Variants in HACD1 observed in about 807,000 individuals in gnomAD.
The protein encoded by HACD1 is very-long-chain (3R)-3-hydroxyacyl-CoA dehydratase 1.
In HACD1, 41 loss-of-function variants were observed where a neutral mutation model predicts 32.0. The observed-to-expected ratio is 1.28, with a 90% CI of 1.00 to 1.66. The LOEUF (loss-of-function observed/expected upper bound fraction) is 1.66. Among genes scored for constraint, HACD1 ranks in the 40% most tolerant of loss-of-function variants. The pLI is 0.00. For synonymous variants in HACD1, 142 were observed against 139.0 expected (o/e 1.02, Z -0.15); for missense variants, 396 against 380.1 (o/e 1.04, Z -0.35).
intron 1 of HACD1, among the ~76,000 whole-genome samples, chr10:17,616,646 A>T (rs1833088672): frequency 8.2e-6 from 1 of 121,942 alleles, no homozygotes; most frequent in Admixed American, 7.9e-5. Context: ...CTGTGCTTTA[A>T]AAAAAAAAAA....
intron 3 of HACD1, 27 bp downstream of exon 3, chr10:17,603,699 A>G: frequency 6.2e-7 from 1 of 1,604,026 alleles, no homozygotes. Flanking sequence ...TTTATAATAA[A>G]AGTATAAAAT....
At chr10:17,610,024 A>G (rs564289602) in intron 1 of HACD1, among the ~76,000 whole-genome samples, 2 of 151,858 alleles carry the variant, frequency 1.3e-5, no homozygotes, top group African/African-American at 4.8e-5. Flanking sequence ...TAAACACTTA[A>G]CTATCCTATG....
chr10:17,593,429 C>G (rs1233914205), intron 6 of HACD1, among the ~76,000 whole-genome samples: 2 of 152,174 alleles, frequency 1.3e-5, no homozygotes, highest in African/African-American at 4.8e-5. Context: ...GATTCTCCTG[C>G]CTCAGCCTCC....
chr10:17,594,868 T>G (rs11254676), intron 5 of HACD1, among the ~76,000 whole-genome samples: 2,311 of 148,290 alleles, frequency 0.016, 59 homozygotes, highest in African/African-American at 0.055. Flanking sequence ...TTGTTTTTTG[T>G]TTTTTTTTGA....
At position 17,608,223 on chromosome 10, in the gene HACD1, T is replaced by A. The variant is rs182004104; in HGVS notation, c.258-4176A>T. ...GGTTTTTTTTAGTAGAGATGGGGTC[T>A]CCCTATGTTGCCCAGGCTAATCTTG... On this transcript the variant is annotated intron_variant, in intron 1 of 6. Coordinates refer to ENST00000361271, the MANE Select transcript of HACD1 (RefSeq NM_014241.4). 5.8e-3 allele frequency among the ~76,000 whole-genome samples: 875 copies of A among 152,084 alleles called. 11 individuals carry two copies. The highest frequency in any genetic ancestry group is 8.5e-3 in the Non-Finnish European group (581 of 67,998).
chr10:17,613,095 GGGGTGT>G (rs1165610912), intron 1 of HACD1, among the ~76,000 whole-genome samples: 1,466 of 119,854 alleles, frequency 0.012, 30 homozygotes, highest in African/African-American at 0.045. Context: ...TTTGCAATTT[GGGGTGT>G]GTGTGTGTGT....
intron 5 of HACD1, chr10:17,599,015 CA>C (rs1297550259): frequency 1.2e-3 from 490 of 396,350 alleles, no homozygotes; most frequent in Middle Eastern, 2.8e-3. Context: ...TTGTGCTTTC[CA>C]AAAAAAAATG....
At chr10:17,605,059 C>G (rs1356978476) in intron 1 of HACD1, among the ~76,000 whole-genome samples, 1 of 151,968 alleles carries the variant, frequency 6.6e-6, no homozygotes, top group Non-Finnish European at 1.5e-5. Flanking sequence ...TTCATAGAGA[C>G]AGAAAGTAGG....
At position 17,590,385 on chromosome 10, in the gene HACD1, C is replaced by T. The variant is rs1554815465; in HGVS notation, c.846G>A (p.Val282=). The T allele has an allele frequency of 2.5e-6, 4 of 1,600,016 alleles. No homozygotes were observed. The highest frequency in any genetic ancestry group is 3.4e-6 in the Non-Finnish European group (4 of 1,170,452). Residue 282 remains valine (V), a synonymous_variant, in exon 7 of 7, where the codon GTG becomes GTA. Transcript: ENST00000361271. ...TCATTTAATCATCCTTTTCTACAAT[C>T]ACCTCTCCATGAAGCACCTTTCTTC... ...RQRRKVLHGE[V]IVEKDD is the part of the protein sequence containing the mutation.
In HACD1 at chr10:17,596,272, A is replaced by T. The variant is rs969321613; in HGVS notation, c.606-1889T>A. On this transcript the variant is annotated intron_variant, in intron 5 of 6. Coordinates refer to ENST00000361271, the MANE Select transcript of HACD1 (RefSeq NM_014241.4). ...ATGAGCTATTCAAGAAAGAAGAATG[A>T]TTCCTTCACTGTACCTGTTAATCCC... is the stretch of plus-strand genomic sequence containing the variant. Among the ~76,000 whole-genome samples the T allele has an allele frequency of 2.6e-5, 4 of 152,148 alleles. No homozygotes were observed. The South Asian group carries it at 8.3e-4, about 32-fold the overall frequency.
At position 17,617,115 on chromosome 10, in the gene HACD1, C is replaced by T. The variant is rs1554818177; in HGVS notation, c.225G>A (p.Trp75Ter). 1.3e-6 allele frequency: 2 copies of T among 1,503,406 alleles called. No individual in the cohort carries two copies. Among genetic ancestry groups the T allele is most frequent in the South Asian group, 1.2e-5 (1 of 80,456 alleles). The allele number at this position is 1,503,406 out of a possible 1,614,324, so 93.1% of individuals were successfully genotyped here. The change falls in exon 1 of 7, where the codon TGG becomes TGA. Residue 75 changes from tryptophan (W) to a stop codon, truncating the protein, a stop_gained. Coordinates refer to ENST00000361271, the MANE Select transcript of HACD1 (RefSeq NM_014241.4). LOFTEE classifies it high-confidence loss of function. ...TCATGGCGATGTCGTAGAAGGTGAG[C>T]CAGGCGGTGGCCAAGACCCCCAGGC... ...RRRLGVLATA[W>*]LTFYDIAMTA...
At chr10:17,604,564 C>T (rs1554816896) in intron 1 of HACD1, among the ~76,000 whole-genome samples, 1 of 151,370 alleles carries the variant, frequency 6.6e-6, no homozygotes, top group Admixed American at 6.6e-5. Flanking sequence ...TCTGACATAT[C>T]ATGCAACACG....
chr10:17,594,900 C>G (rs1370087509), intron 5 of HACD1, among the ~76,000 whole-genome samples: 3 of 151,152 alleles, frequency 2.0e-5, no homozygotes, highest in Admixed American at 6.6e-5. Context: ...ACTCTGTCGC[C>G]TAGACTGGAG....
intron 1 of HACD1, among the ~76,000 whole-genome samples, chr10:17,615,237 C>T (rs558504909): frequency 5.9e-5 from 9 of 152,312 alleles, no homozygotes; most frequent in African/African-American, 1.9e-4. Context: ...TCAGAGAGTC[C>T]GGGTTGAAAC....
At chr10:17,598,278 A>AAAAAG (rs370233736) in intron 5 of HACD1, among the ~76,000 whole-genome samples, 103 of 146,426 alleles carry the variant, frequency 7.0e-4, no homozygotes, top group Non-Finnish European at 9.3e-4. Flanking sequence ...AAAAAAAAAA[A>AAAAAG]AGAGAAAAAA....
At chr10:17,604,091 C>A in intron 1 of HACD1, 44 bp from the exon 2 acceptor site, 1 of 1,297,812 alleles carries the variant, frequency 7.7e-7, no homozygotes, top group Non-Finnish European at 1.1e-6. Context: ...GAACTTAATA[C>A]CACTGATTTA....
chr10:17,614,740 GTTTATTTTAT>G (rs71393025), intron 1 of HACD1, among the ~76,000 whole-genome samples: 14,351 of 151,286 alleles, frequency 0.095, 851 homozygotes, highest in Admixed American at 0.17. Context: ...ACAAGGAAAC[GTTTATTTTAT>G]TTTATTTTAT....
At chr10:17,600,381 C>T (rs1327343684) in intron 4 of HACD1, among the ~76,000 whole-genome samples, 1 of 152,090 alleles carries the variant, frequency 6.6e-6, no homozygotes, top group Non-Finnish European at 1.5e-5. Context: ...GCTGTGTCAC[C>T]CGGGCTGGAG....
intron 4 of HACD1, chr10:17,603,134 C>T (rs190403688): frequency 5.1e-5 from 8 of 156,852 alleles, no homozygotes; most frequent in South Asian, 3.9e-4. Flanking sequence ...GTGATCCACC[C>T]GCCTTGGCCT....
Sources: gnomAD v4.1 joint callset for allele counts (sites outside exome capture counted in the v4.1 genomes callset) on GRCh38, gnomAD v4.1.1 for gene constraint, MANE v1.5 for transcripts, NCBI Gene and HGNC (gene_info 2026-07-23, HGNC 2026-07-21) for gene names.